The following F13A1 variants were observed in gnomAD, a reference collection of about 807,000 sequenced individuals.
The protein encoded by F13A1 is coagulation factor XIII A chain.
F13A1 carries 47 observed loss-of-function variants against 80.1 expected under a neutral mutation model. The observed-to-expected ratio is 0.59, with a 90% CI of 0.46 to 0.75. F13A1 has a LOEUF of 0.75. Ranked by LOEUF, F13A1 falls within the 30% of genes least tolerant of loss-of-function variation. The pLI is 0.00. For synonymous variants in F13A1, 349 were observed against 344.9 expected, an observed-to-expected ratio of 1.01 and a Z score of -0.13; for missense variants, 817 against 930.4, an observed-to-expected ratio of 0.88 and a Z score of 1.59.
At chr6:6,211,945 C>A (rs558044870) in intron 8 of F13A1, among the ~76,000 whole-genome samples, 4 of 152,334 alleles carry the variant, frequency 2.6e-5, no homozygotes, top group East Asian at 3.9e-4. Flanking sequence ...CGGGTCACTC[C>A]CACCCAAATA....
intron 2 of F13A1, among the ~76,000 whole-genome samples, chr6:6,316,117 A>AGTTTT (rs1478782518): frequency 1.8e-5 from 1 of 56,226 alleles, no homozygotes; most frequent in Non-Finnish European, 3.3e-5. Context: ...ATATATATAT[A>AGTTTT]TATATATATA....
At chr6:6,173,565 G>A (rs1760815395) in intron 12 of F13A1, among the ~76,000 whole-genome samples, 1 of 151,978 alleles carries the variant, frequency 6.6e-6, no homozygotes, top group Non-Finnish European at 1.5e-5. Context: ...CTGCCACCAC[G>A]CCGGGCTAAT....
chr6:6,202,390 A>C (rs1390139278), intron 8 of F13A1, among the ~76,000 whole-genome samples: 4 of 152,198 alleles, frequency 2.6e-5, no homozygotes, highest in Non-Finnish European at 5.9e-5. Context: ...TGTTGGTCTT[A>C]TTCTTCTACA....
chr6:6,223,406 C>T (rs995956269), intron 7 of F13A1, among the ~76,000 whole-genome samples: 1 of 152,172 alleles, frequency 6.6e-6, no homozygotes, highest in African/African-American at 2.4e-5. Flanking sequence ...CTTCTAAAAT[C>T]ATTTCACAAG....
chr6:6,167,500 C>T lies in F13A1; in HGVS notation c.1866G>A (p.Lys622=), dbSNP rs1300335731. 1.2e-5 allele frequency: 19 copies of T among 1,614,054 alleles called. No individual in the cohort carries two copies. The highest frequency in any genetic ancestry group is 1.6e-5 in the Non-Finnish European group (19 of 1,180,014). The change falls in exon 13 of 15, where the codon AAG becomes AAA. Residue 622 remains lysine (K), a synonymous_variant. Transcript: ENST00000264870. ...GGATGGTTAGCACGGTGGACTTTTG[C>T]TTGGCCAGAACATCCCTGGTCTCAT... The part of the protein sequence containing the change: ...RINETRDVLA[K]QKSTVLTIPE...
At chr6:6,210,349 T>TATATATATATA (rs1561655552) in intron 8 of F13A1, among the ~76,000 whole-genome samples, 2 of 36,860 alleles carry the variant, frequency 5.4e-5, no homozygotes, top group African/African-American at 1.3e-4. Flanking sequence ...ATATATATAT[T>TATATATATATA]TCTTTTTTTT....
intron 8 of F13A1, among the ~76,000 whole-genome samples, chr6:6,221,777 A>G (rs1757198564): frequency 6.6e-6 from 1 of 152,234 alleles, no homozygotes; most frequent in South Asian, 2.1e-4. Flanking sequence ...CATATGCAGC[A>G]GCTAAAACTA....
intron 10 of F13A1, among the ~76,000 whole-genome samples, chr6:6,192,347 GA>G (rs1761216277): frequency 6.6e-6 from 1 of 152,150 alleles, no homozygotes; most frequent in Admixed American, 6.5e-5. Context: ...GGGGATCAGG[GA>G]GATGAGTTAG....
At chr6:6,191,592 G>T (rs1761200912) in intron 10 of F13A1, among the ~76,000 whole-genome samples, 1 of 152,160 alleles carries the variant, frequency 6.6e-6, no homozygotes, top group African/African-American at 2.4e-5. Flanking sequence ...ATGTCCACCT[G>T]GGCCCATAGA....
At chr6:6,293,525 C>A (rs1205125616) in intron 3 of F13A1, among the ~76,000 whole-genome samples, 1 of 151,796 alleles carries the variant, frequency 6.6e-6, no homozygotes, top group Non-Finnish European at 1.5e-5. Context: ...ACACCTCCCA[C>A]CTAACACAGA....
At chr6:6,195,993 A>C in intron 9 of F13A1, 108 bp from the exon 10 acceptor site, 1 of 1,020,314 alleles carries the variant, frequency 9.8e-7, no homozygotes, top group Non-Finnish European at 1.5e-6. Flanking sequence ...AGTGTTCCCA[A>C]CTTCATTGCT....
At chr6:6,260,556 G>A (rs1401925879) in intron 4 of F13A1, among the ~76,000 whole-genome samples, 2 of 152,196 alleles carry the variant, frequency 1.3e-5, no homozygotes, top group Non-Finnish European at 2.9e-5. Context: ...TAAAACTGCA[G>A]GGGACTGCTG....
chr6:6,290,345 G>C (rs971200540), intron 3 of F13A1, among the ~76,000 whole-genome samples: 2 of 152,158 alleles, frequency 1.3e-5, no homozygotes, highest in African/African-American at 4.8e-5. Flanking sequence ...TTCAAGTTCT[G>C]TCAGCCACCT....
chr6:6,210,676 G>A (rs541678686), intron 8 of F13A1, among the ~76,000 whole-genome samples: 4 of 152,002 alleles, frequency 2.6e-5, no homozygotes, highest in African/African-American at 9.7e-5. Flanking sequence ...TTACAGGTGT[G>A]AGCCACCTCA....
chr6:6,212,661 G>A (rs1761639603), intron 8 of F13A1, among the ~76,000 whole-genome samples: 1 of 152,196 alleles, frequency 6.6e-6, no homozygotes, highest in African/African-American at 2.4e-5. Context: ...CACCAGCAAA[G>A]GAACAAAGCT....
intron 4 of F13A1, among the ~76,000 whole-genome samples, chr6:6,262,368 CT>C: frequency 6.6e-6 from 1 of 152,376 alleles, no homozygotes; most frequent in East Asian, 1.9e-4. Flanking sequence ...TGTGTGGCTG[CT>C]TTTGTTGTTG....
At chr6:6,195,761 G>A (rs1318888480) in intron 10 of F13A1, 36 bp downstream of exon 10, 1 of 1,584,392 alleles carries the variant, frequency 6.3e-7, no homozygotes, top group Non-Finnish European at 8.7e-7. Flanking sequence ...AGAGGTTGGG[G>A]AGAAAAACAG....
intron 10 of F13A1, among the ~76,000 whole-genome samples, chr6:6,185,114 T>G (rs1020345275): frequency 7.3e-5 from 11 of 150,050 alleles, no homozygotes; most frequent in Admixed American, 1.3e-4. Flanking sequence ...TCTGGATGAG[T>G]TACTGAATCT....
At chr6:6,218,602 A>C (rs1476786263) in intron 8 of F13A1, among the ~76,000 whole-genome samples, 2 of 152,114 alleles carry the variant, frequency 1.3e-5, no homozygotes, top group African/African-American at 2.4e-5. Context: ...CTGAGTCCCC[A>C]GCCCTCTCCT....
Sources: gnomAD v4.1 joint callset for allele counts (sites outside exome capture counted in the v4.1 genomes callset) on GRCh38, gnomAD v4.1.1 for gene constraint, MANE v1.5 for transcripts, NCBI Gene and HGNC (gene_info 2026-07-23, HGNC 2026-07-21) for gene names.